PLXDC2: variants seen among roughly 807,000 people sequenced by gnomAD.
PLXDC2 encodes the protein plexin domain-containing protein 2.
In PLXDC2, 40 loss-of-function variants were observed where a neutral mutation model predicts 68.9. That is an observed-to-expected ratio of 0.58 (90% CI 0.45 to 0.76). The LOEUF is 0.76. PLXDC2 is among the 30% of genes least tolerant of loss of function. The probability of loss-of-function intolerance (pLI) is 0.00; values close to 1 mark genes in which losing one functional copy is unlikely to be tolerated. For missense variants in PLXDC2, 644 were observed against 661.9 expected, an observed-to-expected ratio of 0.97 and a Z score of 0.30; for synonymous variants, 243 against 234.2, an observed-to-expected ratio of 1.04 and a Z score of -0.34.
At chr10:20,067,167 A>G (rs547899631) in intron 3 of PLXDC2, among the ~76,000 whole-genome samples, 9 of 152,288 alleles carry the variant, frequency 5.9e-5, no homozygotes, top group African/African-American at 1.7e-4. Context: ...AATAGACACT[A>G]TATACCTGTT....
intron 4 of PLXDC2, among the ~76,000 whole-genome samples, chr10:20,118,308 A>G (rs978376710): frequency 6.6e-6 from 1 of 152,186 alleles, no homozygotes; most frequent in Non-Finnish European, 1.5e-5. Context: ...AACCAGGTCA[A>G]TGCTCTTTTG....
intron 1 of PLXDC2, among the ~76,000 whole-genome samples, chr10:19,851,779 C>T (rs1013454809): frequency 3.0e-4 from 45 of 152,264 alleles, no homozygotes; most frequent in African/African-American, 1.0e-3. Flanking sequence ...AACTCCTGGC[C>T]TCAAGCAATC....
At chr10:19,974,820 G>A (rs1834420830) in intron 1 of PLXDC2, among the ~76,000 whole-genome samples, 1 of 152,148 alleles carries the variant, frequency 6.6e-6, no homozygotes. Flanking sequence ...ATTTTGTTTA[G>A]TAACAGAATC....
At chr10:19,821,276 G>A (rs1836462247) in intron 1 of PLXDC2, among the ~76,000 whole-genome samples, 1 of 152,096 alleles carries the variant, frequency 6.6e-6, no homozygotes, top group Non-Finnish European at 1.5e-5. Context: ...TTCCCTGAGT[G>A]TGTACCATGC....
At chr10:19,897,467 A>G (rs1419604803) in intron 1 of PLXDC2, among the ~76,000 whole-genome samples, 1 of 151,382 alleles carries the variant, frequency 6.6e-6, no homozygotes, top group Non-Finnish European at 1.5e-5. Flanking sequence ...CTGGTCTCGA[A>G]CTCCCAACCT....
At chr10:20,031,956 A>G (rs1347012224) in intron 2 of PLXDC2, among the ~76,000 whole-genome samples, 2 of 151,970 alleles carry the variant, frequency 1.3e-5, no homozygotes, top group Non-Finnish European at 2.9e-5. Context: ...AGTAGCTGGG[A>G]TTTCAGGTGT....
intron 2 of PLXDC2, among the ~76,000 whole-genome samples, chr10:20,021,830 C>T: frequency 6.6e-6 from 1 of 152,090 alleles, no homozygotes; most frequent in East Asian, 1.9e-4. Flanking sequence ...TCCCAAGTAG[C>T]TGGGATTACA....
chr10:20,153,918 A>G (rs1453487549), intron 6 of PLXDC2, among the ~76,000 whole-genome samples: 6 of 152,180 alleles, frequency 3.9e-5, no homozygotes, highest in Non-Finnish European at 5.9e-5. Flanking sequence ...TTAGCCAGTC[A>G]TTATCATACC....
chr10:19,988,504 A>T (rs563101230), intron 1 of PLXDC2, among the ~76,000 whole-genome samples: 1 of 152,170 alleles, frequency 6.6e-6, no homozygotes, highest in Non-Finnish European at 1.5e-5. Flanking sequence ...TCAAAAATAT[A>T]TATTTACTTA....
chr10:20,134,810 G>A (rs566727145), intron 4 of PLXDC2, among the ~76,000 whole-genome samples: 1 of 152,288 alleles, frequency 6.6e-6, no homozygotes, highest in East Asian at 1.9e-4. Context: ...TGGGCCTGGA[G>A]TCTGGAGTCA....
At chr10:19,985,941 C>T (rs571476328) in intron 1 of PLXDC2, among the ~76,000 whole-genome samples, 1 of 152,278 alleles carries the variant, frequency 6.6e-6, no homozygotes, top group South Asian at 2.1e-4. Flanking sequence ...GCCTATGCTT[C>T]CTCCACTCCA....
At chr10:19,938,319 CA>C (rs960118825) in intron 1 of PLXDC2, among the ~76,000 whole-genome samples, 1 of 152,118 alleles carries the variant, frequency 6.6e-6, no homozygotes, top group African/African-American at 2.4e-5. Flanking sequence ...AGGCCATTCT[CA>C]TATTGTTATA....
At chr10:20,030,632 T>A (rs181195717) in intron 2 of PLXDC2, among the ~76,000 whole-genome samples, 2 of 152,296 alleles carry the variant, frequency 1.3e-5, no homozygotes, top group African/African-American at 4.8e-5. Context: ...GGTCTGTTTA[T>A]GTAAATAAAG....
intron 9 of PLXDC2, among the ~76,000 whole-genome samples, chr10:20,195,803 T>C (rs1834829429): frequency 6.6e-6 from 1 of 152,134 alleles, no homozygotes; most frequent in South Asian, 2.1e-4. Flanking sequence ...TCATGGTTGA[T>C]GTTCCCGAGG....
chr10:19,954,873 C>G (rs528424071), intron 1 of PLXDC2, among the ~76,000 whole-genome samples: 2 of 152,302 alleles, frequency 1.3e-5, no homozygotes, highest in East Asian at 3.9e-4. Flanking sequence ...GATTCCTTAA[C>G]TGGCACTCTT....
At chr10:19,840,161 T>A (rs1386371685) in intron 1 of PLXDC2, among the ~76,000 whole-genome samples, 2 of 152,174 alleles carry the variant, frequency 1.3e-5, no homozygotes, top group African/African-American at 2.4e-5. Context: ...TGTTTTGGAT[T>A]GACAGTTAAT....
intron 1 of PLXDC2, among the ~76,000 whole-genome samples, chr10:19,999,889 A>G (rs1216728688): frequency 2.0e-5 from 3 of 152,214 alleles, no homozygotes; most frequent in Non-Finnish European, 4.4e-5. Flanking sequence ...GGATATTTTC[A>G]TTCCCATTTA....
chr10:20,139,814 T>TGGACACAGGGAGGGGAACATC (rs1833977587), intron 4 of PLXDC2, among the ~76,000 whole-genome samples: 1 of 113,888 alleles, frequency 8.8e-6, no homozygotes, highest in Non-Finnish European at 1.6e-5. Context: ...TGAGAACACA[T>TGGACACAGGGAGGGGAACATC]GGACACAGGG....
chr10:20,116,234 A>G (rs1357681566), intron 4 of PLXDC2, among the ~76,000 whole-genome samples: 1 of 152,206 alleles, frequency 6.6e-6, no homozygotes, highest in African/African-American at 2.4e-5. Context: ...TAAAGGTGCT[A>G]TGGGAAAAAT....
Sources: gnomAD v4.1 joint callset for allele counts (sites outside exome capture counted in the v4.1 genomes callset) on GRCh38, gnomAD v4.1.1 for gene constraint, MANE v1.5 for transcripts, NCBI Gene and HGNC (gene_info 2026-07-23, HGNC 2026-07-21) for gene names.